Variants in SAV1 observed in about 807,000 individuals in gnomAD.
SAV1 encodes salvador family WW domain containing protein 1, also known as protein salvador homolog 1.
Under a neutral mutation model 47.3 loss-of-function variants are expected in SAV1, and 23 were observed. The ratio of observed to expected loss-of-function variants is 0.49; its 90% CI spans 0.35 to 0.69. The LOEUF is 0.69. SAV1 is among the 30% of genes least tolerant of loss of function. The pLI, the probability that SAV1 is intolerant of heterozygous loss-of-function variation, is 0.01. For synonymous variants in SAV1, 155 were observed against 159.2 expected, an observed-to-expected ratio of 0.97 and a Z score of 0.20; for missense variants, 448 against 457.4, an observed-to-expected ratio of 0.98 and a Z score of 0.19.
At chr14:50,639,242 C>T (rs762438603) in intron 4 of SAV1, among the ~76,000 whole-genome samples, 5 of 152,300 alleles carry the variant, frequency 3.3e-5, no homozygotes, top group African/African-American at 4.8e-5. Context: ...TGGTAAATTA[C>T]TGTGAGAGAT....
chr14:50,647,399 A>C (rs1438494564), intron 2 of SAV1, among the ~76,000 whole-genome samples: 3 of 152,136 alleles, frequency 2.0e-5, no homozygotes, highest in African/African-American at 4.8e-5. Context: ...AACATTAAGA[A>C]AACAACCCTG....
chr14:50,634,509 C>T lies in SAV1; in HGVS notation c.*674G>A, dbSNP rs563722708. 70 of 164,870 alleles carry T rather than the reference C, an allele frequency of 4.2e-4. No individual in the cohort carries two copies. The highest frequency in any genetic ancestry group is 7.5e-4 in the African/African-American group (31 of 41,556). The allele number at this position is 164,870 out of a possible 1,614,324, so 10.2% of individuals were successfully genotyped here. A position where few individuals can be genotyped will look rare whatever the true frequency, so the allele number is the denominator to read the frequency against. ...GACTAGAGGCACACACCATCATACC[C>T]GGCTAATTTTTTTGTATTTTTTGTA... is the stretch of plus-strand genomic sequence containing the variant. On this transcript the variant is annotated 3_prime_UTR_variant, in exon 5 of 5. Coordinates refer to ENST00000324679, the MANE Select transcript of SAV1 (RefSeq NM_021818.4).
At position 50,634,984 on chromosome 14, in the gene SAV1, C is replaced by T. The variant is rs1595631338; in HGVS notation, c.*199G>A. 7.1e-6 allele frequency: 4 copies of T among 564,518 alleles called. No homozygotes were observed. The highest frequency in any genetic ancestry group is 1.2e-5 in the Non-Finnish European group (4 of 320,430). 35.0% of individuals were successfully genotyped at this position (564,518 alleles called of 1,614,324 possible). On this transcript the variant is annotated 3_prime_UTR_variant, in exon 5 of 5. Transcript: ENST00000324679. ...ATATACAGTATTTGAAAGTGTTTGC[C>T]ATATTGGCTCTTAAAATGATAGACT...
At chr14:50,650,479 C>T (rs1478853717) in intron 2 of SAV1, among the ~76,000 whole-genome samples, 1 of 152,210 alleles carries the variant, frequency 6.6e-6, no homozygotes, top group East Asian at 1.9e-4. Context: ...CCCCAATTAT[C>T]CCTGTCCTCC....
intron 2 of SAV1, among the ~76,000 whole-genome samples, chr14:50,659,037 T>C (rs2140262197): frequency 6.6e-6 from 1 of 152,016 alleles, no homozygotes; most frequent in East Asian, 1.9e-4. Context: ...ATGAAGTCTC[T>C]CAAGCTCTCA....
intron 2 of SAV1, among the ~76,000 whole-genome samples, chr14:50,658,025 G>A (rs3015492): frequency 0.71 from 107,452 of 152,072 alleles, 38,100 homozygotes; most frequent in East Asian, 0.82. Flanking sequence ...AGTAATGGAT[G>A]CTACACATTA....
chr14:50,655,551 G>A (rs4636807), intron 2 of SAV1, among the ~76,000 whole-genome samples: 72,162 of 150,918 alleles, frequency 0.48, 18,224 homozygotes, highest in East Asian at 0.74. Flanking sequence ...TCAGCCTCCC[G>A]AGTAGGTGAG....
In SAV1 at chr14:50,665,368, A is replaced by G. The variant is rs1261369126; in HGVS notation, c.346T>C (p.Phe116Leu). 2 of 1,612,196 alleles carry G rather than the reference A, an allele frequency of 1.2e-6. No homozygotes were observed. Among genetic ancestry groups the G allele is most frequent in the Non-Finnish European group, 1.7e-6 (2 of 1,178,866 alleles). Residue 116 changes from phenylalanine to leucine, a missense_variant, in exon 2 of 5, where the codon TTT becomes CTT. Phe to Leu is a conservative substitution (Grantham distance 22, BLOSUM62 0). Coordinates refer to ENST00000324679, the MANE Select transcript of SAV1 (RefSeq NM_021818.4). ...ACAGCAAAACTAACTTCCGTTACAAATGACTGAGAAGAACCATACTCTCTA... is the reference window on the plus strand; with the variant it reads ...ACAGCAAAACTAACTTCCGTTACAAGTGACTGAGAAGAACCATACTCTCTA... Reference protein sequence around the residue: ...VPREYGSSQSFVTEVSFAVEN... With the variant: ...VPREYGSSQSLVTEVSFAVEN...
In SAV1 at chr14:50,633,987, C is replaced by A; in HGVS notation, c.*1196G>T. The A allele has an allele frequency of 8.6e-6, 2 of 233,432 alleles. No homozygotes were observed. Among genetic ancestry groups the A allele is most frequent in the East Asian group, 9.7e-5 (1 of 10,302 alleles). 14.5% of individuals were successfully genotyped at this position (233,432 alleles called of 1,614,324 possible). ...GGAGGGAAATATATGGTGTTAAAGT[C>A]CTGTGATAAATACTTAGAAAATTAA... On this transcript the variant is annotated 3_prime_UTR_variant, in exon 5 of 5. Coordinates refer to ENST00000324679, the MANE Select transcript of SAV1 (RefSeq NM_021818.4).
intron 2 of SAV1, among the ~76,000 whole-genome samples, chr14:50,646,067 G>A (rs2039718847): frequency 6.6e-6 from 1 of 152,044 alleles, no homozygotes; most frequent in South Asian, 2.1e-4. Flanking sequence ...ATCTTTATAG[G>A]AGTCCCCCCC....
intron 2 of SAV1, among the ~76,000 whole-genome samples, chr14:50,661,024 A>G (rs961704076): frequency 1.3e-5 from 2 of 152,236 alleles, no homozygotes; most frequent in Non-Finnish European, 2.9e-5. Flanking sequence ...GTTTTCTGAG[A>G]AATTTCCAAA....
chr14:50,636,090 A>G (rs1246857894), intron 4 of SAV1, among the ~76,000 whole-genome samples: 1 of 152,214 alleles, frequency 6.6e-6, no homozygotes, highest in African/African-American at 2.4e-5. Flanking sequence ...ATTTCTTTAA[A>G]TTACCCATTA....
chr14:50,643,254 G>C (rs1159930186), intron 3 of SAV1, among the ~76,000 whole-genome samples: 1 of 152,112 alleles, frequency 6.6e-6, no homozygotes, highest in Non-Finnish European at 1.5e-5. Context: ...GATTGTATTA[G>C]TCTATTTTCA....
chr14:50,651,842 G>C (rs1392335929), intron 2 of SAV1, among the ~76,000 whole-genome samples: 1 of 152,044 alleles, frequency 6.6e-6, no homozygotes, highest in Non-Finnish European at 1.5e-5. Context: ...TGTTGCCCAG[G>C]CTGGTCTCAA....
chr14:50,642,546 C>A (rs73291783), intron 3 of SAV1, among the ~76,000 whole-genome samples: 1 of 151,572 alleles, frequency 6.6e-6, no homozygotes, highest in African/African-American at 2.4e-5. Context: ...GCTTATTACC[C>A]GGGTGATAAT....
chr14:50,636,676 A>AAAC (rs1253404870), intron 4 of SAV1, among the ~76,000 whole-genome samples: 1 of 152,214 alleles, frequency 6.6e-6, no homozygotes, highest in Non-Finnish European at 1.5e-5. Flanking sequence ...TAAAGATGAA[A>AAAC]AACACTAAAA....
At chr14:50,652,891 C>T (rs995808226) in intron 2 of SAV1, among the ~76,000 whole-genome samples, 6 of 152,026 alleles carry the variant, frequency 3.9e-5, no homozygotes, top group African/African-American at 1.2e-4. Context: ...ATTAGCCAGG[C>T]GTGGTGGCAC....
chr14:50,659,973 G>A (rs779085464), intron 2 of SAV1, among the ~76,000 whole-genome samples: 1 of 152,186 alleles, frequency 6.6e-6, no homozygotes, highest in Non-Finnish European at 1.5e-5. Flanking sequence ...CTCACCTCCT[G>A]CAAACTCTTC....
chr14:50,648,187 G>T (rs1422516059), intron 2 of SAV1, among the ~76,000 whole-genome samples: 1 of 152,204 alleles, frequency 6.6e-6, no homozygotes, highest in Non-Finnish European at 1.5e-5. Flanking sequence ...AAAGCAGCCA[G>T]TCTCAAGTGG....
Sources: gnomAD v4.1 joint callset for allele counts (sites outside exome capture counted in the v4.1 genomes callset) on GRCh38, gnomAD v4.1.1 for gene constraint, MANE v1.5 for transcripts, NCBI Gene and HGNC (gene_info 2026-07-23, HGNC 2026-07-21) for gene names.